PBX1: variants seen among roughly 807,000 people sequenced by gnomAD.
PBX1 encodes pre-B-cell leukemia transcription factor 1.
In PBX1, 6 loss-of-function variants were observed where a neutral mutation model predicts 53.4. The ratio of observed to expected loss-of-function variants is 0.11; its 90% CI spans 0.06 to 0.22. The LOEUF is 0.22. PBX1 is among the 10% of genes least tolerant of loss of function. The pLI is 1.00. For missense variants in PBX1, 251 were observed against 551.4 expected, an observed-to-expected ratio of 0.46 and a Z score of 5.46; for synonymous variants, 204 against 212.3, an observed-to-expected ratio of 0.96 and a Z score of 0.34.
chr1:164,750,896 C>A (rs1173088083), intron 2 of PBX1, among the ~76,000 whole-genome samples: 1 of 152,094 alleles, frequency 6.6e-6, no homozygotes. Context: ...TACTTCAGGC[C>A]TGTTGTGTTA....
intron 3 of PBX1, among the ~76,000 whole-genome samples, chr1:164,793,578 C>G (rs1045190798): frequency 1.3e-5 from 2 of 152,284 alleles, no homozygotes; most frequent in African/African-American, 4.8e-5. Context: ...CAGAGCCCCT[C>G]TCTAATAGAG....
intron 5 of PBX1, 72 bp downstream of exon 5, chr1:164,807,749 T>C: frequency 6.5e-7 from 1 of 1,545,642 alleles, no homozygotes; most frequent in Non-Finnish European, 8.8e-7. Flanking sequence ...CTCTTAGAGG[T>C]CTTGCTTTAC....
chr1:164,865,777 T>C (rs944627501), intron 2 of PBX1, among the ~76,000 whole-genome samples: 1 of 152,172 alleles, frequency 6.6e-6, no homozygotes, highest in African/African-American at 2.4e-5. Flanking sequence ...TACATATCTA[T>C]TGTCCTAAAC....
chr1:164,723,967 T>C (rs1047810543), intron 2 of PBX1, among the ~76,000 whole-genome samples: 2 of 152,182 alleles, frequency 1.3e-5, no homozygotes, highest in Non-Finnish European at 2.9e-5. Flanking sequence ...CCAAATAATA[T>C]AATCTGCATG....
chr1:164,858,253 G>A (rs968976599), intron 2 of PBX1, among the ~76,000 whole-genome samples: 3 of 151,862 alleles, frequency 2.0e-5, no homozygotes, highest in Admixed American at 6.6e-5. Context: ...AAATCTGAGC[G>A]AACCTGATTC....
At chr1:164,571,873 G>GTATATATATATATATA (rs59338120) in intron 2 of PBX1, among the ~76,000 whole-genome samples, 2 of 29,898 alleles carry the variant, frequency 6.7e-5, no homozygotes, top group Non-Finnish European at 1.2e-4. Flanking sequence ...TCTGTACATT[G>GTATATATATATATATA]TATATATATA....
chr1:164,581,932 T>C (rs1207784344), intron 2 of PBX1, among the ~76,000 whole-genome samples: 1 of 152,216 alleles, frequency 6.6e-6, no homozygotes, highest in Non-Finnish European at 1.5e-5. Context: ...GATGATTGTG[T>C]ACTCAGGGAA....
Position 164,611,564 on chromosome 1 carries a change from T to C in PBX1, c.265+48253T>C, listed in dbSNP as rs1160441380. Among the ~76,000 whole-genome samples, 14 of 152,096 alleles carry C rather than the reference T, an allele frequency of 9.2e-5. 2 individuals are homozygous for C. Among genetic ancestry groups the C allele is most frequent in the Admixed American group, 9.2e-4 (14 of 15,272 alleles). On this transcript the variant is annotated intron_variant, in intron 2 of 8. Transcript: ENST00000420696. ...TCTGTGTTTCAAATAATGATGCTTG[T>C]GTATACATAATCACTGGGGCTCAGT...
At chr1:164,837,923 C>A (rs144308722) in intron 8 of PBX1, among the ~76,000 whole-genome samples, 5 of 152,208 alleles carry the variant, frequency 3.3e-5, no homozygotes, top group African/African-American at 1.2e-4. Context: ...AAAACCACCC[C>A]GTGTCTCAGA....
intron 4 of PBX1, among the ~76,000 whole-genome samples, chr1:164,800,133 T>G (rs1668997513): frequency 6.6e-6 from 1 of 152,228 alleles, no homozygotes; most frequent in Non-Finnish European, 1.5e-5. Context: ...CAAGGAGGAC[T>G]TAGGTACAGT....
intron 2 of PBX1, among the ~76,000 whole-genome samples, chr1:164,633,816 G>A (rs1658570107): frequency 6.6e-6 from 1 of 152,132 alleles, no homozygotes; most frequent in African/African-American, 2.4e-5. Flanking sequence ...TACTTCATAG[G>A]TATCTGCCTC....
intron 2 of PBX1, among the ~76,000 whole-genome samples, chr1:164,860,633 T>C (rs1156750072): frequency 6.6e-6 from 1 of 152,154 alleles, no homozygotes. Context: ...TGTCCATGTC[T>C]TCTATGCAGA....
intron 2 of PBX1, among the ~76,000 whole-genome samples, chr1:164,759,797 C>T (rs891567674): frequency 6.6e-6 from 1 of 152,166 alleles, no homozygotes; most frequent in Non-Finnish European, 1.5e-5. Context: ...CTCTTTGGGG[C>T]ACTCTCAGGG....
At chr1:164,597,012 C>T (rs1188039288) in intron 2 of PBX1, among the ~76,000 whole-genome samples, 1 of 152,150 alleles carries the variant, frequency 6.6e-6, no homozygotes, top group Non-Finnish European at 1.5e-5. Context: ...CTTGCATGCA[C>T]CCTGTACCCT....
intron 2 of PBX1, among the ~76,000 whole-genome samples, chr1:164,627,689 C>A (rs115804464): frequency 3.3e-5 from 5 of 152,290 alleles, no homozygotes; most frequent in African/African-American, 1.2e-4. Context: ...AGACGATGGG[C>A]TTTTGTTGGG....
intron 4 of PBX1, among the ~76,000 whole-genome samples, chr1:164,801,279 T>C (rs190838557): frequency 7.7e-4 from 118 of 152,286 alleles, no homozygotes; most frequent in Admixed American, 1.4e-3. Flanking sequence ...GCCTGCTGTC[T>C]GCCAGGCTTC....
intron 8 of PBX1, among the ~76,000 whole-genome samples, chr1:164,841,384 C>A (rs551263792): frequency 3.3e-5 from 5 of 152,216 alleles, no homozygotes; most frequent in African/African-American, 9.6e-5. Flanking sequence ...ATCAAGGCTG[C>A]GGCAGAGCTG....
chr1:164,829,620 G>A (rs149296634), intron 8 of PBX1: 2 of 152,256 alleles, frequency 1.3e-5, no homozygotes, highest in East Asian at 1.9e-4. Flanking sequence ...ACTGGGGCCT[G>A]TTGAGGGGAA....
rs1297620788 is a variant in PBX1, at chr1:164,850,478, ATGTTT to A, written c.*3811_*3815del. 1.0e-5 allele frequency: 2 copies of A among 197,162 alleles called. No individual in the cohort carries two copies. Among genetic ancestry groups the A allele is most frequent in the Admixed American group, 1.2e-4 (2 of 16,376 alleles). The allele number at this position is 197,162 out of a possible 1,614,324, so 12.2% of individuals were successfully genotyped here. On this transcript the variant is annotated 3_prime_UTR_variant, in exon 9 of 9. Coordinates refer to ENST00000420696, the MANE Select transcript of PBX1 (RefSeq NM_002585.4). ...TGCTCTTAAAAATACAAAAAAAAAAATGTTTTGTTTTGTGTTATTTTTGGTTTGTT... is the reference window on the plus strand; with the variant it reads ...TGCTCTTAAAAATACAAAAAAAAAAATGTTTTGTGTTATTTTTGGTTTGTT...
Sources: allele counts gnomAD v4.1 joint callset (sites outside exome capture counted in the v4.1 genomes callset), GRCh38; gene constraint gnomAD v4.1.1; transcripts MANE v1.5; gene names NCBI Gene and HGNC (gene_info 2026-07-23, HGNC 2026-07-21).